Variants in CAMKK2 observed in about 807,000 individuals in gnomAD.
CAMKK2 encodes the protein calcium/calmodulin dependent protein kinase kinase 2, also known as calcium/calmodulin-dependent protein kinase kinase 2.
Under a neutral mutation model 67.2 loss-of-function variants are expected in CAMKK2, and 30 were observed. The ratio of observed to expected loss-of-function variants is 0.45; its 90% CI spans 0.33 to 0.61. The LOEUF (loss-of-function observed/expected upper bound fraction) is 0.61. CAMKK2 is among the 20% of genes least tolerant of loss of function. The probability of loss-of-function intolerance (pLI) is 0.02; values close to 1 mark genes in which losing one functional copy is unlikely to be tolerated. For missense variants in CAMKK2, 643 were observed against 802.0 expected, an observed-to-expected ratio of 0.80 and a Z score of 2.39; for synonymous variants, 322 against 326.2, an observed-to-expected ratio of 0.99 and a Z score of 0.14.
At chr12:121,248,321 C>G (rs984897497) in intron 14 of CAMKK2, among the ~76,000 whole-genome samples, 1 of 152,184 alleles carries the variant, frequency 6.6e-6, no homozygotes, top group Admixed American at 6.5e-5. Flanking sequence ...CAACCCTTGC[C>G]CCTGCCTGGA....
intron 1 of CAMKK2, among the ~76,000 whole-genome samples, chr12:121,283,974 C>T (rs1291297897): frequency 6.6e-6 from 1 of 152,244 alleles, no homozygotes; most frequent in East Asian, 1.9e-4. Context: ...CTCGCTGCAG[C>T]TCTGGGCAGG....
chr12:121,257,206 A>C (rs1420566179), intron 7 of CAMKK2, among the ~76,000 whole-genome samples: 1 of 151,910 alleles, frequency 6.6e-6, no homozygotes, highest in Non-Finnish European at 1.5e-5. Flanking sequence ...CATGTAACCT[A>C]TGACTATATC....
chr12:121,267,105 T>A (rs1464014634), intron 5 of CAMKK2, among the ~76,000 whole-genome samples: 11 of 127,464 alleles, frequency 8.6e-5, no homozygotes, highest in African/African-American at 3.3e-4. Context: ...TAATTTATCT[T>A]TTTTTTTTTT....
rs1889311940 is a variant in CAMKK2 at position 121,245,707 on chromosome 12, C to T, written c.1453-467G>A. On this transcript the variant is annotated intron_variant, in intron 14 of 16. Coordinates refer to ENST00000404169, the MANE Select transcript of CAMKK2 (RefSeq NM_001270485.2). The surrounding 1 kb of genome is among the most constrained non-coding windows in gnomAD (Gnocchi z 5.8). ...AATGGCCTGAGGGCCCCATAAGAGTCACTGGGCCCCTCACCCCACCCCAAC... is the reference window on the plus strand; with the variant it reads ...AATGGCCTGAGGGCCCCATAAGAGTTACTGGGCCCCTCACCCCACCCCAAC... Among the ~76,000 whole-genome samples the T allele has an allele frequency of 6.6e-6, 1 of 152,222 alleles. No individual in the cohort carries two copies. The highest frequency in any genetic ancestry group is 1.5e-5 in the Non-Finnish European group (1 of 68,038).
intron 1 of CAMKK2, among the ~76,000 whole-genome samples, chr12:121,275,509 A>G (rs989678704): frequency 2.7e-5 from 4 of 150,280 alleles, no homozygotes; most frequent in Non-Finnish European, 4.4e-5. Flanking sequence ...AAAAAAAAAA[A>G]GGTCGGGGGG....
At chr12:121,289,849 TG>T (rs1899620639) in intron 1 of CAMKK2, among the ~76,000 whole-genome samples, 1 of 147,010 alleles carries the variant, frequency 6.8e-6, no homozygotes, top group African/African-American at 2.6e-5. Context: ...GCTGAGATCA[TG>T]CTACTGCACT....
chr12:121,261,971 A>C (rs77755998), intron 6 of CAMKK2, among the ~76,000 whole-genome samples: 9,188 of 152,302 alleles, frequency 0.06, 352 homozygotes, highest in Middle Eastern at 0.16. Context: ...CAGATCCCCA[A>C]GATGCTTCAT....
intron 7 of CAMKK2, among the ~76,000 whole-genome samples, chr12:121,256,376 CA>C (rs143886071): frequency 6.7e-5 from 10 of 148,734 alleles, no homozygotes; most frequent in Non-Finnish European, 1.0e-4. Context: ...AAGAATGTCC[CA>C]AAAAAAAAAT....
At position 121,285,439 on chromosome 12, in the gene CAMKK2, G is replaced by A. The variant is rs553159857; in HGVS notation, c.-59-10854C>T. ...AATCACTTGAACCCGGGAGGGGGAG[G>A]TTGCAGTGAGCCAAGATTGCACCAC... On this transcript the variant is annotated intron_variant, in intron 1 of 16. Coordinates refer to ENST00000404169, the MANE Select transcript of CAMKK2 (RefSeq NM_001270485.2). This position sits in a 1 kb window ranked among gnomAD's most constrained non-coding sequence, Gnocchi z 4.1. Among the ~76,000 whole-genome samples, 59 of 152,252 alleles carry A rather than the reference G, an allele frequency of 3.9e-4. No homozygotes were observed. Among genetic ancestry groups the A allele is most frequent in the South Asian group, 1.0e-3 (5 of 4,822 alleles).
Position 121,249,841 on chromosome 12 carries a change from G to A in CAMKK2, c.1269C>T (p.Ile423=), listed in dbSNP as rs1890303087. 2 of 1,614,054 alleles carry A rather than the reference G, an allele frequency of 1.2e-6. No individual in the cohort carries two copies. Among genetic ancestry groups the A allele is most frequent in the South Asian group, 1.1e-5 (1 of 91,090 alleles). Residue 423 remains isoleucine, a synonymous_variant, in exon 13 of 17, where the codon ATC becomes ATT. Coordinates refer to ENST00000404169, the MANE Select transcript of CAMKK2 (RefSeq NM_001270485.2). ...CGGGGTTCTTGTCCAGCATACGGGT[G>A]ATCAGGTCCTTCAAGTCCTCAGCTA... The part of the protein sequence containing the change: ...PDIAEDLKDL[I]TRMLDKNPES...
chr12:121,255,701 A>G, intron 8 of CAMKK2, 63 bp from the exon 9 acceptor site: 1 of 1,605,736 alleles, frequency 6.2e-7, no homozygotes, highest in Non-Finnish European at 8.5e-7. Context: ...CTCTCTCATG[A>G]GCAGAGCCCA....
intron 11 of CAMKK2, among the ~76,000 whole-genome samples, chr12:121,250,880 T>C (rs540735578): frequency 2.0e-4 from 30 of 152,384 alleles, no homozygotes; most frequent in Non-Finnish European, 3.1e-4. Context: ...ATTCTCATTT[T>C]ACAGAAGAGA....
At chr12:121,280,618 G>A (rs1190745122) in intron 1 of CAMKK2, among the ~76,000 whole-genome samples, 1 of 152,162 alleles carries the variant, frequency 6.6e-6, no homozygotes, top group African/African-American at 2.4e-5. Context: ...AGCATGGAAC[G>A]TCCCTGAGAA....
chr12:121,289,004 G>A (rs529733643), intron 1 of CAMKK2, among the ~76,000 whole-genome samples: 1 of 151,962 alleles, frequency 6.6e-6, no homozygotes, highest in South Asian at 2.1e-4. Flanking sequence ...ACTCACCTGG[G>A]ACAGGAACCA....
intron 1 of CAMKK2, among the ~76,000 whole-genome samples, chr12:121,276,908 G>T (rs1483666850): frequency 1.8e-5 from 2 of 108,904 alleles, no homozygotes; most frequent in East Asian, 3.4e-4. Context: ...GGGGTGGGGG[G>T]GGGGTCTCTC....
At chr12:121,282,062 G>A (rs1897902824) in intron 1 of CAMKK2, among the ~76,000 whole-genome samples, 3 of 152,190 alleles carry the variant, frequency 2.0e-5, no homozygotes, top group Admixed American at 1.3e-4. Flanking sequence ...GAGGCGGTGG[G>A]TGAAAGAAGG....
intron 6 of CAMKK2, among the ~76,000 whole-genome samples, chr12:121,263,364 C>T (rs1893862188): frequency 1.3e-5 from 2 of 152,184 alleles, no homozygotes; most frequent in South Asian, 4.1e-4. Context: ...CCACCTTGGC[C>T]TCCCAGAGTG....
At chr12:121,282,281 G>A (rs1209615308) in intron 1 of CAMKK2, among the ~76,000 whole-genome samples, 1 of 152,116 alleles carries the variant, frequency 6.6e-6, no homozygotes, top group Admixed American at 6.5e-5. Flanking sequence ...AAGGGCTACA[G>A]CTTTGTGGGA....
chr12:121,275,812 C>T (rs946788343), intron 1 of CAMKK2, among the ~76,000 whole-genome samples: 4 of 152,064 alleles, frequency 2.6e-5, no homozygotes, highest in Non-Finnish European at 4.4e-5. Context: ...TACTAAATGC[C>T]ACTGAACTAT....
Sources: gnomAD v4.1 joint callset for allele counts (sites outside exome capture counted in the v4.1 genomes callset) on GRCh38, gnomAD v4.1.1 for gene constraint, Gnocchi (gnomAD v3.1) non-coding constraint, MANE v1.5 for transcripts, NCBI Gene and HGNC (gene_info 2026-07-23, HGNC 2026-07-21) for gene names.